The following CMIP variants were observed in gnomAD, a reference collection of about 807,000 sequenced individuals.
CMIP encodes C-Maf-inducing protein.
CMIP carries 13 observed loss-of-function variants against 97.3 expected under a neutral mutation model. The ratio of observed to expected loss-of-function variants is 0.13; its 90% confidence interval spans 0.09 to 0.21. The LOEUF is 0.21. Ranked by LOEUF, CMIP falls within the 10% of genes least tolerant of loss-of-function variation. The pLI is 1.00. For synonymous variants in CMIP, 538 were observed against 436.3 expected (o/e 1.23, Z -2.91); for missense variants, 847 against 1,024.9 (o/e 0.83, Z 2.37).
intron 1 of CMIP, among the ~76,000 whole-genome samples, chr16:81,485,695 T>G (rs2089303500): frequency 1.3e-5 from 2 of 152,232 alleles, no homozygotes; most frequent in South Asian, 4.1e-4. Flanking sequence ...TGCCAGATCC[T>G]TTTTTGAGAA....
At chr16:81,543,760 T>C (rs1245231379) in intron 1 of CMIP, among the ~76,000 whole-genome samples, 1 of 152,226 alleles carries the variant, frequency 6.6e-6, no homozygotes, top group African/African-American at 2.4e-5. Flanking sequence ...GAGAAATTTT[T>C]ATTTGGCTCA....
chr16:81,527,902 C>A (rs991951062), intron 1 of CMIP, among the ~76,000 whole-genome samples: 4 of 152,160 alleles, frequency 2.6e-5, no homozygotes, highest in African/African-American at 9.7e-5. Context: ...TTGCGTATGC[C>A]TTTTTGGGAA....
At chr16:81,645,399 CAGCA>C in intron 3 of CMIP, 1 of 1,471,990 alleles carries the variant, frequency 6.8e-7, no homozygotes. Context: ...AGCAGCAGAG[CAGCA>C]GAGCAGCAGC....
chr16:81,648,478 G>A (rs1378856560), intron 3 of CMIP, among the ~76,000 whole-genome samples: 2 of 152,098 alleles, frequency 1.3e-5, no homozygotes, highest in Admixed American at 6.5e-5. Context: ...CTGGGCACAC[G>A]GCAGTCAGAA....
intron 1 of CMIP, chr16:81,603,284 T>C (rs992442898): frequency 7.3e-6 from 3 of 409,314 alleles, no homozygotes; most frequent in Non-Finnish European, 1.5e-5. Context: ...GGTTTCACCA[T>C]GTTAGCCAGG....
chr16:81,548,339 G>T (rs1050129703), intron 1 of CMIP, among the ~76,000 whole-genome samples: 2 of 152,042 alleles, frequency 1.3e-5, no homozygotes, highest in African/African-American at 4.8e-5. Flanking sequence ...TCGTTTTGTT[G>T]TTCAGGCTGT....
intron 10 of CMIP, among the ~76,000 whole-genome samples, chr16:81,683,148 A>G (rs1905042739): frequency 1.3e-5 from 2 of 152,206 alleles, no homozygotes; most frequent in African/African-American, 4.8e-5. Context: ...GTCCCTCTGA[A>G]CCTGAGTATT....
At chr16:81,473,266 G>A (rs911644557) in intron 1 of CMIP, among the ~76,000 whole-genome samples, 2 of 152,146 alleles carry the variant, frequency 1.3e-5, no homozygotes, top group African/African-American at 4.8e-5. Flanking sequence ...TGTTTGCCGT[G>A]GGGGGCATAT....
intron 1 of CMIP, among the ~76,000 whole-genome samples, chr16:81,541,654 G>C (rs924053933): frequency 6.6e-6 from 1 of 152,180 alleles, no homozygotes. Context: ...TGAATGGAAT[G>C]CTTAAGAAAG....
chr16:81,661,011 G>T (rs768583946), intron 6 of CMIP, 65 bp downstream of exon 6: 48 of 1,601,594 alleles, frequency 3.0e-5, no homozygotes, highest in Non-Finnish European at 4.1e-5. Flanking sequence ...GCATACCAGG[G>T]ATTGGGTTTG....
At chr16:81,566,645 C>A (rs1176291949) in intron 1 of CMIP, among the ~76,000 whole-genome samples, 1 of 152,214 alleles carries the variant, frequency 6.6e-6, no homozygotes, top group East Asian at 1.9e-4. Context: ...TGATTCTACT[C>A]CCAATTCTGT....
At chr16:81,689,440 G>T (rs962781964) in intron 10 of CMIP, among the ~76,000 whole-genome samples, 1 of 152,178 alleles carries the variant, frequency 6.6e-6, no homozygotes, top group Non-Finnish European at 1.5e-5. Flanking sequence ...GTGTCTGTTG[G>T]CTGCATAAAT....
intron 1 of CMIP, among the ~76,000 whole-genome samples, chr16:81,470,993 C>G (rs953298424): frequency 6.6e-6 from 1 of 151,708 alleles, no homozygotes. Context: ...CGTGCATACA[C>G]ACATGCACAC....
chr16:81,569,784 C>G (rs2091050482), intron 1 of CMIP, among the ~76,000 whole-genome samples: 1 of 152,170 alleles, frequency 6.6e-6, no homozygotes, highest in Non-Finnish European at 1.5e-5. Flanking sequence ...GTGACTTTGA[C>G]CTGGTGTCAA....
At chr16:81,670,827 T>A (rs192269809) in intron 8 of CMIP, among the ~76,000 whole-genome samples, 5 of 151,996 alleles carry the variant, frequency 3.3e-5, no homozygotes, top group Non-Finnish European at 7.4e-5. Flanking sequence ...TCTCATCTCT[T>A]TTGTTTGTTT....
Position 81,487,710 on chromosome 16 carries a change from C to T in CMIP, c.300+42169C>T, listed in dbSNP as rs115376992. Among the ~76,000 whole-genome samples the T allele has an allele frequency of 3.7e-3, 570 of 152,326 alleles. 1 individual carries two copies. Among genetic ancestry groups the T allele is most frequent in the African/African-American group, 0.013 (542 of 41,570 alleles). Reference sequence around the variant, plus strand: ...TTATGTGCAAACTGTGGCTTCCTTGCACCACTCTCACAGGGTCTGTGTGAG... The same window carrying T: ...TTATGTGCAAACTGTGGCTTCCTTGTACCACTCTCACAGGGTCTGTGTGAG... On this transcript the variant is annotated intron_variant, in intron 1 of 20. Coordinates refer to ENST00000537098, the MANE Select transcript of CMIP (RefSeq NM_198390.3).
chr16:81,496,244 A>G (rs1238991297), intron 1 of CMIP, among the ~76,000 whole-genome samples: 1 of 152,210 alleles, frequency 6.6e-6, no homozygotes, highest in Admixed American at 6.5e-5. Flanking sequence ...TAAAATTGCT[A>G]CATTTAGTTA....
At chr16:81,534,594 G>A (rs914738420) in intron 1 of CMIP, among the ~76,000 whole-genome samples, 2 of 151,580 alleles carry the variant, frequency 1.3e-5, no homozygotes, top group Admixed American at 6.6e-5. Flanking sequence ...TAGTGTCTTC[G>A]TGGCTTAGAG....
chr16:81,526,616 C>T (rs1313583945), intron 1 of CMIP, among the ~76,000 whole-genome samples: 1 of 152,162 alleles, frequency 6.6e-6, no homozygotes, highest in Admixed American at 6.5e-5. Context: ...AGCTTCCTTT[C>T]CTTTGCAGTT....
Sources: allele counts gnomAD v4.1 joint callset (sites outside exome capture counted in the v4.1 genomes callset), GRCh38; gene constraint gnomAD v4.1.1; transcripts MANE v1.5; gene names NCBI Gene and HGNC (gene_info 2026-07-23, HGNC 2026-07-21).